GLIS1: variants seen among roughly 807,000 people sequenced by gnomAD.
GLIS1 encodes the protein zinc finger protein GLIS1.
GLIS1 carries 24 observed loss-of-function variants against 63.8 expected under a neutral mutation model. The ratio of observed to expected loss-of-function variants is 0.38; its 90% CI spans 0.27 to 0.53. The LOEUF (loss-of-function observed/expected upper bound fraction) is 0.53. Among genes scored for constraint, GLIS1 ranks in the 20% least tolerant of loss-of-function variants. The pLI is 0.85. For synonymous variants in GLIS1, 450 were observed against 482.5 expected, an observed-to-expected ratio of 0.93 and a Z score of 0.88; for missense variants, 1,036 against 1,074.1, an observed-to-expected ratio of 0.96 and a Z score of 0.50.
intron 4 of GLIS1, among the ~76,000 whole-genome samples, chr1:53,588,152 C>T (rs929964685): frequency 1.3e-5 from 2 of 152,152 alleles, no homozygotes; most frequent in Non-Finnish European, 2.9e-5. Context: ...ACTTGATCAA[C>T]CTGGCCAAGC....
chr1:53,661,020 C>A (rs556157261), intron 2 of GLIS1, among the ~76,000 whole-genome samples: 1 of 152,332 alleles, frequency 6.6e-6, no homozygotes, highest in East Asian at 1.9e-4. Context: ...TGGCCTTGGG[C>A]AGTGTCCCCT....
At chr1:53,631,081 C>G (rs1186027223) in intron 2 of GLIS1, among the ~76,000 whole-genome samples, 2 of 152,098 alleles carry the variant, frequency 1.3e-5, no homozygotes, top group Admixed American at 6.5e-5. Flanking sequence ...TTTTTTATTG[C>G]CTTTTATTGC....
intron 2 of GLIS1, among the ~76,000 whole-genome samples, chr1:53,627,453 G>T (rs775766511): frequency 6.6e-6 from 1 of 152,032 alleles, no homozygotes; most frequent in Non-Finnish European, 1.5e-5. Flanking sequence ...CTCCAGCTCC[G>T]ATTTTTTTCC....
At chr1:53,588,452 C>T (rs1645157806) in intron 4 of GLIS1, among the ~76,000 whole-genome samples, 1 of 152,242 alleles carries the variant, frequency 6.6e-6, no homozygotes, top group African/African-American at 2.4e-5. Flanking sequence ...TCCCTGCCCA[C>T]TGATGCATAC....
intron 2 of GLIS1, among the ~76,000 whole-genome samples, chr1:53,655,947 G>T (rs1444508188): frequency 6.6e-6 from 1 of 152,150 alleles, no homozygotes; most frequent in Non-Finnish European, 1.5e-5. Flanking sequence ...AAAGTGGTTT[G>T]TCTAAGATCC....
chr1:53,547,756 T>C (rs1363703914), intron 4 of GLIS1, among the ~76,000 whole-genome samples: 2 of 152,238 alleles, frequency 1.3e-5, no homozygotes, highest in Non-Finnish European at 2.9e-5. Context: ...TCTATTTCCC[T>C]GCCCCTCTGC....
At chr1:53,612,476 G>A (rs768818581) in intron 2 of GLIS1, among the ~76,000 whole-genome samples, 6 of 151,892 alleles carry the variant, frequency 4.0e-5, no homozygotes, top group Non-Finnish European at 7.4e-5. Flanking sequence ...TCCTGACCTC[G>A]TGATCCACCC....
At chr1:53,546,854 G>T (rs982721896) in intron 4 of GLIS1, among the ~76,000 whole-genome samples, 3 of 152,198 alleles carry the variant, frequency 2.0e-5, no homozygotes, top group Non-Finnish European at 4.4e-5. Flanking sequence ...AGACTAGGCT[G>T]CCCTGGGGTC....
intron 2 of GLIS1, among the ~76,000 whole-genome samples, chr1:53,659,083 A>G (rs898620051): frequency 6.6e-6 from 1 of 152,164 alleles, no homozygotes. Context: ...ATCCAGGTAC[A>G]CCCATCTGGG....
chr1:53,726,680 T>G (rs920618102), intron 2 of GLIS1, among the ~76,000 whole-genome samples: 6 of 151,986 alleles, frequency 3.9e-5, no homozygotes, highest in African/African-American at 7.3e-5. Flanking sequence ...GTCAGAGAGA[T>G]GCACCGAGGC....
intron 7 of GLIS1, among the ~76,000 whole-genome samples, chr1:53,516,225 C>T (rs891389038): frequency 4.6e-5 from 7 of 152,182 alleles, no homozygotes; most frequent in Admixed American, 6.5e-5. Context: ...GCTCTTATTA[C>T]ACCAGAAGGA....
At chr1:53,711,692 A>G (rs900827199) in intron 2 of GLIS1, among the ~76,000 whole-genome samples, 7 of 152,236 alleles carry the variant, frequency 4.6e-5, no homozygotes, top group Admixed American at 1.3e-4. Flanking sequence ...CATTAGCCCA[A>G]TGGAAATCTC....
At chr1:53,649,374 T>C (rs535118637) in intron 2 of GLIS1, among the ~76,000 whole-genome samples, 5 of 152,336 alleles carry the variant, frequency 3.3e-5, no homozygotes, top group African/African-American at 1.2e-4. Context: ...CTGTTGCTAT[T>C]GGGTGAGCTC....
chr1:53,517,283 T>A (rs972760929), intron 7 of GLIS1, among the ~76,000 whole-genome samples: 2 of 152,152 alleles, frequency 1.3e-5, no homozygotes, highest in African/African-American at 4.8e-5. Context: ...CCAGGGGCTC[T>A]GGGCCACCGT....
intron 7 of GLIS1, 118 bp downstream of exon 7, chr1:53,520,516 T>A: frequency 8.5e-7 from 1 of 1,181,276 alleles, no homozygotes; most frequent in Non-Finnish European, 1.1e-6. Flanking sequence ...GATGAGTGAG[T>A]GCCTGCAACA....
chr1:53,542,079 A>G (rs899780835), intron 4 of GLIS1, among the ~76,000 whole-genome samples: 8 of 152,222 alleles, frequency 5.3e-5, no homozygotes, highest in Non-Finnish European at 1.2e-4. Flanking sequence ...CTCCTCCCCA[A>G]ATGCCCCACT....
At chr1:53,710,816 C>A (rs888666698) in intron 2 of GLIS1, among the ~76,000 whole-genome samples, 12 of 152,326 alleles carry the variant, frequency 7.9e-5, no homozygotes, top group African/African-American at 2.9e-4. Context: ...GCCAGGCACC[C>A]TCCCACGCAT....
At chr1:53,597,242 G>A (rs969179016) in intron 3 of GLIS1, among the ~76,000 whole-genome samples, 2 of 147,368 alleles carry the variant, frequency 1.4e-5, no homozygotes, top group Non-Finnish European at 1.5e-5. Flanking sequence ...GTGTGGTGGC[G>A]GGCGCCTGTA....
At chr1:53,588,112 C>T (rs1238251591) in intron 4 of GLIS1, among the ~76,000 whole-genome samples, 15 of 152,304 alleles carry the variant, frequency 9.8e-5, no homozygotes, top group Non-Finnish European at 1.9e-4. Context: ...GAAAATCGCC[C>T]AACAAGCGTC....
Sources: gnomAD v4.1 joint callset for allele counts (sites outside exome capture counted in the v4.1 genomes callset) on GRCh38, gnomAD v4.1.1 for gene constraint, MANE v1.5 for transcripts, NCBI Gene and HGNC (gene_info 2026-07-23, HGNC 2026-07-21) for gene names.